Variants in SLC33A1 observed in about 807,000 individuals in gnomAD.
SLC33A1 encodes the protein acetyl-coenzyme A transporter 1.
A neutral mutation model predicts 50.0 loss-of-function variants in SLC33A1; 20 were observed. The observed-to-expected ratio is 0.40, with a 90% CI of 0.28 to 0.58. SLC33A1 has a LOEUF of 0.58. Among genes scored for constraint, SLC33A1 ranks in the 20% least tolerant of loss-of-function variants. The pLI is 0.44. For synonymous variants in SLC33A1, 265 were observed against 251.8 expected (o/e 1.05, Z -0.50); for missense variants, 476 against 657.0 (o/e 0.72, Z 3.01).
rs994319155 is a variant in SLC33A1, at chr3:155,823,891, T to C, written c.*4319A>G. 1 of 151,996 alleles carries C rather than the reference T, an allele frequency of 6.6e-6. No homozygotes were observed. The highest frequency in any genetic ancestry group is 1.5e-5 in the Non-Finnish European group (1 of 68,054). The allele number at this position is 151,996 out of a possible 1,614,324, so 9.4% of individuals were successfully genotyped here. Reference sequence around the variant, plus strand: ...CCTATGCCTGGCTAATTTTTGTATTTTTAGTAGAGACGGCGTTTCACCATG... The same window carrying C: ...CCTATGCCTGGCTAATTTTTGTATTCTTAGTAGAGACGGCGTTTCACCATG... On this transcript the variant is annotated 3_prime_UTR_variant, in exon 6 of 6. Coordinates refer to ENST00000643144, the MANE Select transcript of SLC33A1 (RefSeq NM_004733.4).
At chr3:155,837,143 A>G (rs556575228) in intron 2 of SLC33A1, among the ~76,000 whole-genome samples, 1 of 151,874 alleles carries the variant, frequency 6.6e-6, no homozygotes. Flanking sequence ...GGTGGATCAC[A>G]AGGTCAGGAG....
In SLC33A1 at chr3:155,826,647, A is replaced by AT. The variant is rs1391044742; in HGVS notation, c.*1562dup. ...GTAGCCTCCTTGCCTCTAGGATGGGATTTTTTCCAGGTGATTCTTCAGGAT... is the reference window on the plus strand; with the variant it reads ...GTAGCCTCCTTGCCTCTAGGATGGGATTTTTTTCCAGGTGATTCTTCAGGAT... On this transcript the variant is annotated 3_prime_UTR_variant, in exon 6 of 6. Transcript: ENST00000643144. 2 of 151,888 alleles carry AT rather than the reference A, an allele frequency of 1.3e-5. No individual in the cohort carries two copies. The highest frequency in any genetic ancestry group is 1.5e-5 in the Non-Finnish European group (1 of 68,002). 9.4% of individuals were successfully genotyped at this position (151,888 alleles called of 1,614,324 possible). A position where few individuals can be genotyped will look rare whatever the true frequency, so the allele number is the denominator to read the frequency against.
Position 155,853,691 on chromosome 3 carries a change from T to C in SLC33A1, c.307A>G (p.Asn103Asp). ...GSIPLILQSK[N>D]VSYTDQAFFS... ...AAAGCTTGGTCTGTATAGCTAACATTTTTGCTTTGCAAAATGAGTGGGATG... is the reference window on the plus strand; with the variant it reads ...AAAGCTTGGTCTGTATAGCTAACATCTTTGCTTTGCAAAATGAGTGGGATG... Residue 103 changes from asparagine (N) to aspartate (D), a missense_variant, in exon 1 of 6, where the codon AAT (asparagine) becomes GAT (aspartate). Transcript: ENST00000643144. 6.2e-7 allele frequency: 1 copy of C among 1,614,184 alleles called. No homozygotes were observed. Among genetic ancestry groups the C allele is most frequent in the Non-Finnish European group, 8.5e-7 (1 of 1,180,036 alleles).
intron 4 of SLC33A1, among the ~76,000 whole-genome samples, chr3:155,831,528 G>A (rs1752436284): frequency 6.9e-6 from 1 of 145,076 alleles, no homozygotes; most frequent in South Asian, 2.2e-4. Context: ...ACTTACAGAA[G>A]GCTTATGTCA....
chr3:155,832,723 C>CAAAAAAAA, intron 4 of SLC33A1, among the ~76,000 whole-genome samples: 3 of 28,134 alleles, frequency 1.1e-4, no homozygotes, highest in Non-Finnish European at 2.6e-4. Flanking sequence ...GACTCTGTCT[C>CAAAAAAAA]AAAAAAAAAA....
At chr3:155,847,564 G>A (rs1028148668) in intron 1 of SLC33A1, among the ~76,000 whole-genome samples, 4 of 151,976 alleles carry the variant, frequency 2.6e-5, no homozygotes, top group African/African-American at 9.7e-5. Context: ...GACCAACATG[G>A]TGAAACCCCA....
chr3:155,832,527 A>C (rs1188283390), intron 4 of SLC33A1, among the ~76,000 whole-genome samples: 2 of 151,888 alleles, frequency 1.3e-5, no homozygotes, highest in Non-Finnish European at 2.9e-5. Context: ...CAAAACTTTC[A>C]ATATAGAAGC....
rs139427218 is a variant in SLC33A1, at chr3:155,846,287, C to T, written c.776-3668G>A. On this transcript the variant is annotated intron_variant, in intron 1 of 5. Coordinates refer to ENST00000643144, the MANE Select transcript of SLC33A1 (RefSeq NM_004733.4). ...AGTGCCAGAAATGGCATTCAAACTG[C>T]GGTCTAGTTCTAAAGCAAGAAATGT... Among the ~76,000 whole-genome samples the T allele has an allele frequency of 6.2e-4, 94 of 152,324 alleles. 1 individual carries two copies. Among genetic ancestry groups the T allele is most frequent in the African/African-American group, 2.0e-3 (82 of 41,562 alleles).
At chr3:155,848,432 A>G (rs1577476890) in intron 1 of SLC33A1, among the ~76,000 whole-genome samples, 1 of 152,136 alleles carries the variant, frequency 6.6e-6, no homozygotes, top group Non-Finnish European at 1.5e-5. Context: ...CCTGTAATCC[A>G]AGCACTTTGG....
chr3:155,839,024 C>T (rs1752816720), intron 2 of SLC33A1, among the ~76,000 whole-genome samples: 1 of 151,882 alleles, frequency 6.6e-6, no homozygotes, highest in African/African-American at 2.4e-5. Context: ...TGCAGTGGCT[C>T]ACACCTGTAA....
chr3:155,846,132 C>T (rs956776606), intron 1 of SLC33A1, among the ~76,000 whole-genome samples: 1 of 152,158 alleles, frequency 6.6e-6, no homozygotes, highest in South Asian at 2.1e-4. Flanking sequence ...TACAATAGCT[C>T]GCACCTGAGT....
intron 1 of SLC33A1, among the ~76,000 whole-genome samples, chr3:155,848,296 C>T (rs1753261153): frequency 6.6e-6 from 1 of 152,174 alleles, no homozygotes; most frequent in Admixed American, 6.5e-5. Context: ...CCACTGTGCT[C>T]AGCTAAAGAC....
intron 2 of SLC33A1, 76 bp downstream of exon 2, chr3:155,842,356 T>C: frequency 2.3e-6 from 2 of 863,982 alleles, no homozygotes; most frequent in Non-Finnish European, 1.9e-6. Flanking sequence ...ACCTGTGATA[T>C]GAAAAAGGCA....
chr3:155,838,797 T>C (rs1345664703), intron 2 of SLC33A1, among the ~76,000 whole-genome samples: 1 of 151,438 alleles, frequency 6.6e-6, no homozygotes, highest in Non-Finnish European at 1.5e-5. Context: ...TTACACTGAG[T>C]TATGACCATG....
At chr3:155,850,876 C>T in intron 1 of SLC33A1, among the ~76,000 whole-genome samples, 1 of 151,782 alleles carries the variant, frequency 6.6e-6, no homozygotes, top group Admixed American at 6.6e-5. Context: ...CTCAGCCTCC[C>T]AAAGTGCTGG....
intron 3 of SLC33A1, 111 bp downstream of exon 3, chr3:155,833,746 C>A: frequency 9.8e-7 from 1 of 1,017,718 alleles, no homozygotes; most frequent in South Asian, 1.4e-5. Flanking sequence ...AAAAAAGATG[C>A]TTTTCAAATC....
At chr3:155,840,171 T>C (rs1380712273) in intron 2 of SLC33A1, among the ~76,000 whole-genome samples, 2 of 151,322 alleles carry the variant, frequency 1.3e-5, no homozygotes, top group Non-Finnish European at 2.9e-5. Flanking sequence ...CACTGCAACC[T>C]CCGCCTCCCG....
At chr3:155,848,236 A>T (rs373955414) in intron 1 of SLC33A1, among the ~76,000 whole-genome samples, 29 of 152,218 alleles carry the variant, frequency 1.9e-4, no homozygotes, top group African/African-American at 6.5e-4. Context: ...CCTGGCCTCA[A>T]ATGATCTTCC....
At chr3:155,834,184 C>A in intron 2 of SLC33A1, 143 bp from the exon 3 acceptor site, 1 of 663,136 alleles carries the variant, frequency 1.5e-6, no homozygotes, top group Non-Finnish European at 2.6e-6. Context: ...ATACCTGGTA[C>A]AACAGTCAAG....
Sources: allele counts gnomAD v4.1 joint callset (sites outside exome capture counted in the v4.1 genomes callset), GRCh38; gene constraint gnomAD v4.1.1; transcripts MANE v1.5; gene names NCBI Gene and HGNC (gene_info 2026-07-23, HGNC 2026-07-21).